AGBL4: variants seen among roughly 807,000 people sequenced by gnomAD.
The protein encoded by AGBL4 is AGBL carboxypeptidase 4.
Under a neutral mutation model 66.4 loss-of-function variants are expected in AGBL4, and 58 were observed. That is an observed-to-expected ratio of 0.87 (90% CI 0.71 to 1.09). The LOEUF is 1.09. Ranked by LOEUF, AGBL4 falls within the 50% of genes least tolerant of loss-of-function variation. The pLI is 0.00. For missense variants in AGBL4, 579 were observed against 631.0 expected, an observed-to-expected ratio of 0.92 and a Z score of 0.88; for synonymous variants, 234 against 222.9, an observed-to-expected ratio of 1.05 and a Z score of -0.44.
intron 3 of AGBL4, among the ~76,000 whole-genome samples, chr1:49,621,282 C>A (rs1392217512): frequency 1.3e-5 from 2 of 152,198 alleles, no homozygotes; most frequent in Non-Finnish European, 2.9e-5. Context: ...TCATTTATAA[C>A]TTGATGCGTC....
intron 5 of AGBL4, among the ~76,000 whole-genome samples, chr1:48,933,299 T>A (rs1403699929): frequency 6.6e-6 from 1 of 152,218 alleles, no homozygotes. Flanking sequence ...GATCATTTAG[T>A]TTAGCCTCCT....
intron 3 of AGBL4, among the ~76,000 whole-genome samples, chr1:49,278,086 TGAG>T (rs1644205459): frequency 6.6e-6 from 1 of 152,152 alleles, no homozygotes; most frequent in Non-Finnish European, 1.5e-5. Context: ...AAATTAACCA[TGAG>T]AAGTTGCCCA....
intron 4 of AGBL4, among the ~76,000 whole-genome samples, chr1:49,112,027 A>G (rs560145496): frequency 2.6e-5 from 4 of 152,312 alleles, no homozygotes; most frequent in South Asian, 4.1e-4. Context: ...TTCAAGTAAC[A>G]TAATGTAGTA....
At chr1:49,862,010 C>A (rs1646584410) in intron 1 of AGBL4, among the ~76,000 whole-genome samples, 1 of 152,098 alleles carries the variant, frequency 6.6e-6, no homozygotes, top group African/African-American at 2.4e-5. Context: ...GCATCAAAAC[C>A]ACCCACAAAA....
chr1:48,699,852 G>T (rs572645314), intron 6 of AGBL4, among the ~76,000 whole-genome samples: 1 of 151,918 alleles, frequency 6.6e-6, no homozygotes, highest in African/African-American at 2.4e-5. Flanking sequence ...TTGTCTCAGG[G>T]TCTGCTCTGG....
At chr1:48,646,554 T>TGTGTGTGTGTGTGTGTGC in intron 8 of AGBL4, among the ~76,000 whole-genome samples, 1 of 150,558 alleles carries the variant, frequency 6.6e-6, no homozygotes, top group Non-Finnish European at 1.5e-5. Context: ...TGTGTGTGTG[T>TGTGTGTGTGTGTGTGTGC]GCTGGTGCTG....
intron 6 of AGBL4, among the ~76,000 whole-genome samples, chr1:48,845,300 T>G (rs1035534565): frequency 6.6e-6 from 1 of 152,220 alleles, no homozygotes; most frequent in African/African-American, 2.4e-5. Flanking sequence ...TTACATTTAC[T>G]TTATTCACTG....
intron 4 of AGBL4, among the ~76,000 whole-genome samples, chr1:49,173,863 A>G (rs1404976062): frequency 6.6e-6 from 1 of 152,162 alleles, no homozygotes; most frequent in African/African-American, 2.4e-5. Context: ...GATAAGGAGG[A>G]AAATCAGAAG....
chr1:49,913,960 C>T (rs1651124109), intron 1 of AGBL4, among the ~76,000 whole-genome samples: 1 of 152,184 alleles, frequency 6.6e-6, no homozygotes, highest in African/African-American at 2.4e-5. Context: ...TCCTAGAGCT[C>T]TGGACCTGTA....
At chr1:48,866,899 C>T (rs527710696) in intron 6 of AGBL4, among the ~76,000 whole-genome samples, 3 of 152,246 alleles carry the variant, frequency 2.0e-5, no homozygotes, top group Admixed American at 6.5e-5. Context: ...TTCCTTGACA[C>T]GTGGGTCCAA....
In AGBL4 at chr1:49,245,766, T is replaced by C. The variant is rs1339924696; in HGVS notation, c.377+4A>G. ...GAAGGGGTCCCATTCTGTAGATCACTTACCATTTTGGTCTGCTGGTAGATT... is the reference window on the plus strand; with the variant it reads ...GAAGGGGTCCCATTCTGTAGATCACCTACCATTTTGGTCTGCTGGTAGATT... On this transcript the variant is annotated splice_donor_region_variant and intron_variant, in intron 4 of 13. Coordinates refer to ENST00000371839, the MANE Select transcript of AGBL4 (RefSeq NM_032785.4). 6.5e-7 allele frequency: 1 copy of C among 1,547,464 alleles called. No homozygotes were observed. The highest frequency in any genetic ancestry group is 1.2e-5 in the South Asian group (1 of 83,876).
chr1:49,446,873 C>G (rs566584648), intron 3 of AGBL4, among the ~76,000 whole-genome samples: 1 of 152,154 alleles, frequency 6.6e-6, no homozygotes, highest in South Asian at 2.1e-4. Context: ...TGCAAAGTCA[C>G]CCACAGCCTC....
chr1:49,148,231 T>C (rs2148113426), intron 4 of AGBL4, among the ~76,000 whole-genome samples: 1 of 152,298 alleles, frequency 6.6e-6, no homozygotes, highest in Admixed American at 6.5e-5. Flanking sequence ...TTAGTGTCGT[T>C]ATTATTACTA....
intron 8 of AGBL4, among the ~76,000 whole-genome samples, chr1:48,644,558 AAG>A (rs1645805558): frequency 6.6e-6 from 1 of 152,144 alleles, no homozygotes; most frequent in African/African-American, 2.4e-5. Flanking sequence ...GGGAAAAAAG[AAG>A]AGAGGGAAGA....
At chr1:48,650,954 G>T (rs568347742) in intron 8 of AGBL4, among the ~76,000 whole-genome samples, 1 of 152,344 alleles carries the variant, frequency 6.6e-6, no homozygotes, top group African/African-American at 2.4e-5. Flanking sequence ...GCCTTGGCAA[G>T]TCTCACCAAA....
rs531735516 is a variant in AGBL4 at position 49,774,753 on chromosome 1, T to A, written c.157+76643A>T. 1.0e-3 allele frequency among the ~76,000 whole-genome samples: 156 copies of A among 152,310 alleles called. 4 individuals carry two copies. The highest frequency in any genetic ancestry group is 8.8e-5 in the Non-Finnish European group (6 of 68,018). ...AAGACAGGTTATGCAAAATCCAGTATAAAGGTATGAAGAAATCGAAATTCT... is the reference window on the plus strand; with the variant it reads ...AAGACAGGTTATGCAAAATCCAGTAAAAAGGTATGAAGAAATCGAAATTCT... On this transcript the variant is annotated intron_variant, in intron 2 of 13. Transcript: ENST00000371839.
chr1:49,662,688 C>T (rs773936492), intron 3 of AGBL4, among the ~76,000 whole-genome samples: 15 of 152,058 alleles, frequency 9.9e-5, no homozygotes, highest in Non-Finnish European at 1.8e-4. Flanking sequence ...ACATCAAATT[C>T]TATATAGATT....
intron 1 of AGBL4, among the ~76,000 whole-genome samples, chr1:49,927,773 G>A (rs531507242): frequency 1.2e-4 from 18 of 151,546 alleles, no homozygotes; most frequent in Non-Finnish European, 2.1e-4. Context: ...ACCTTAAAGA[G>A]GAAGGAGAAA....
intron 6 of AGBL4, among the ~76,000 whole-genome samples, chr1:48,812,560 C>G (rs770887584): frequency 1.3e-5 from 2 of 152,190 alleles, no homozygotes; most frequent in Non-Finnish European, 2.9e-5. Context: ...GATACATTCC[C>G]AACCTTTAAG....
Sources: gnomAD v4.1 joint callset for allele counts (sites outside exome capture counted in the v4.1 genomes callset) on GRCh38, gnomAD v4.1.1 for gene constraint, MANE v1.5 for transcripts, NCBI Gene and HGNC (gene_info 2026-07-23, HGNC 2026-07-21) for gene names.